CNTNAP5: variants seen among roughly 807,000 people sequenced by gnomAD.
CNTNAP5 encodes the protein contactin-associated protein-like 5.
A neutral mutation model predicts 150.2 loss-of-function variants in CNTNAP5; 72 were observed. The ratio of observed to expected loss-of-function variants is 0.48; its 90% CI spans 0.40 to 0.58. CNTNAP5 has a LOEUF of 0.58. CNTNAP5 is among the 20% of genes least tolerant of loss of function. The probability of loss-of-function intolerance (pLI) is 0.00; values close to 1 mark genes in which losing one functional copy is unlikely to be tolerated. For missense variants in CNTNAP5, 1,636 were observed against 1,626.2 expected (o/e 1.01, Z -0.10); for synonymous variants, 672 against 619.8 (o/e 1.08, Z -1.25).
intron 7 of CNTNAP5, among the ~76,000 whole-genome samples, chr2:124,501,261 A>T (rs1342956091): frequency 1.3e-5 from 2 of 152,232 alleles, no homozygotes; most frequent in Non-Finnish European, 2.9e-5. Flanking sequence ...GGATCAGGTC[A>T]CATTTATGTG....
Position 124,920,661 on chromosome 2 carries a change from C to A in CNTNAP5, c.*6373C>A, listed in dbSNP as rs552093817. The stretch of plus-strand genomic sequence containing the variant: ...ATTTTCCTTAGTCACTAGCCTAGGG[C>A]AGAAAGGCAGCCATGTATAAATGAA... On this transcript the variant is annotated 3_prime_UTR_variant, in exon 24 of 24. Coordinates refer to ENST00000682447, the MANE Select transcript of CNTNAP5 (RefSeq NM_001367498.1). Among the ~76,000 whole-genome samples, 89 of 152,218 alleles carry A rather than the reference C, an allele frequency of 5.8e-4. No individual in the cohort carries two copies. Among genetic ancestry groups the A allele is most frequent in the African/African-American group, 2.1e-3 (86 of 41,558 alleles).
chr2:124,114,213 A>G (rs1320731102), intron 1 of CNTNAP5, among the ~76,000 whole-genome samples: 2 of 152,038 alleles, frequency 1.3e-5, no homozygotes, highest in Non-Finnish European at 2.9e-5. Context: ...TTCAGGAATA[A>G]CTCACATTGT....
intron 22 of CNTNAP5, among the ~76,000 whole-genome samples, chr2:124,904,041 G>T: frequency 7.9e-6 from 1 of 126,898 alleles, no homozygotes; most frequent in African/African-American, 3.1e-5. Context: ...GGTATAGAGT[G>T]AGACTCTGTT....
At chr2:124,849,325 T>TAG (rs1441930095) in intron 19 of CNTNAP5, among the ~76,000 whole-genome samples, 7 of 152,182 alleles carry the variant, frequency 4.6e-5, no homozygotes, top group African/African-American at 1.7e-4. Context: ...CTCTATTACT[T>TAG]TAGTCTATGT....
At chr2:124,129,676 G>A (rs1449754776) in intron 1 of CNTNAP5, among the ~76,000 whole-genome samples, 1 of 152,112 alleles carries the variant, frequency 6.6e-6, no homozygotes, top group Non-Finnish European at 1.5e-5. Flanking sequence ...AACATAATAG[G>A]CACATCTTGC....
intron 14 of CNTNAP5, among the ~76,000 whole-genome samples, chr2:124,747,623 T>G (rs1391047611): frequency 7.9e-6 from 1 of 125,806 alleles, no homozygotes; most frequent in Non-Finnish European, 1.7e-5. Context: ...TCTTTTTTTT[T>G]TTTTTTTTTT....
chr2:124,298,164 A>G (rs2104642793), intron 3 of CNTNAP5, among the ~76,000 whole-genome samples: 1 of 152,072 alleles, frequency 6.6e-6, no homozygotes, highest in Admixed American at 6.6e-5. Context: ...TCTTTTTTAA[A>G]ACTTTTATTT....
At chr2:124,510,195 G>A (rs1242271363) in intron 8 of CNTNAP5, among the ~76,000 whole-genome samples, 96 of 139,466 alleles carry the variant, frequency 6.9e-4, no homozygotes, top group Middle Eastern at 9.5e-3. Flanking sequence ...GTGACAGAGT[G>A]AGACTCCATC....
At chr2:124,444,140 C>T (rs1692745773) in intron 5 of CNTNAP5, among the ~76,000 whole-genome samples, 1 of 151,956 alleles carries the variant, frequency 6.6e-6, no homozygotes, top group Admixed American at 6.6e-5. Flanking sequence ...ACCTGGAGGC[C>T]ACCTCCTGCC....
At chr2:124,174,111 A>AAAAAC (rs2104668883) in intron 1 of CNTNAP5, among the ~76,000 whole-genome samples, 1 of 2,172 alleles carries the variant, frequency 4.6e-4, no homozygotes, top group East Asian at 2.9e-3. Flanking sequence ...ACTGCTCAGG[A>AAAAAC]AAAAAAAAAA....
chr2:124,832,858 C>T (rs926166965), intron 19 of CNTNAP5, among the ~76,000 whole-genome samples: 4 of 151,460 alleles, frequency 2.6e-5, no homozygotes, highest in East Asian at 1.9e-4. Context: ...TCTATAGTTG[C>T]GAATTTTTTG....
chr2:124,635,173 G>A (rs543103566), intron 12 of CNTNAP5, among the ~76,000 whole-genome samples: 2 of 152,202 alleles, frequency 1.3e-5, no homozygotes, highest in South Asian at 2.1e-4. Context: ...GGGAGGCCTC[G>A]GGAAACTTTC....
intron 1 of CNTNAP5, among the ~76,000 whole-genome samples, chr2:124,172,507 G>C (rs1684957601): frequency 6.6e-6 from 1 of 152,206 alleles, no homozygotes; most frequent in Non-Finnish European, 1.5e-5. Flanking sequence ...CTGACCCCGG[G>C]GATCAAGGGA....
At chr2:124,766,490 T>G (rs1221702437) in intron 16 of CNTNAP5, among the ~76,000 whole-genome samples, 1 of 152,126 alleles carries the variant, frequency 6.6e-6, no homozygotes, top group Non-Finnish European at 1.5e-5. Context: ...CTTTTGCAGT[T>G]ACCACACAAT....
At chr2:124,111,388 C>T (rs1438922719) in intron 1 of CNTNAP5, among the ~76,000 whole-genome samples, 4 of 152,102 alleles carry the variant, frequency 2.6e-5, no homozygotes, top group African/African-American at 4.8e-5. Flanking sequence ...GGCTATGATA[C>T]GGTGGGTGGG....
intron 3 of CNTNAP5, among the ~76,000 whole-genome samples, chr2:124,395,667 T>C (rs1691225716): frequency 6.6e-6 from 1 of 152,172 alleles, no homozygotes; most frequent in South Asian, 2.1e-4. Context: ...AGAACTGTTC[T>C]AAGCAATATC....
chr2:124,756,733 G>A (rs544998645), intron 14 of CNTNAP5, among the ~76,000 whole-genome samples: 7 of 151,998 alleles, frequency 4.6e-5, no homozygotes, highest in Admixed American at 1.3e-4. Context: ...TGAACATATC[G>A]GGGTGGGGAA....
chr2:124,733,131 C>T (rs1245248741), intron 13 of CNTNAP5, among the ~76,000 whole-genome samples: 1 of 151,562 alleles, frequency 6.6e-6, no homozygotes, highest in African/African-American at 2.4e-5. Flanking sequence ...GTTAATACCT[C>T]CATGTGTATA....
chr2:124,374,020 T>C (rs1573951763), intron 3 of CNTNAP5, among the ~76,000 whole-genome samples: 1 of 152,072 alleles, frequency 6.6e-6, no homozygotes, highest in South Asian at 2.1e-4. Flanking sequence ...CATGTGTGCA[T>C]AGAAGAGATA....
Sources: allele counts gnomAD v4.1 joint callset (sites outside exome capture counted in the v4.1 genomes callset), GRCh38; gene constraint gnomAD v4.1.1; transcripts MANE v1.5; gene names NCBI Gene and HGNC (gene_info 2026-07-23, HGNC 2026-07-21).